MTUS1: variants seen among roughly 807,000 people sequenced by gnomAD.
The protein encoded by MTUS1 is microtubule-associated tumor suppressor 1.
MTUS1 carries 109 observed loss-of-function variants against 120.8 expected under a neutral mutation model. The observed-to-expected ratio is 0.90, with a 90% CI of 0.77 to 1.06. MTUS1 has a LOEUF of 1.06. MTUS1 is among the 50% of genes least tolerant of loss of function. MTUS1 has a pLI of 0.00. For missense variants in MTUS1, 2,210 were observed against 1,486.3 expected (o/e 1.49, Z -8.01); for synonymous variants, 737 against 550.5 (o/e 1.34, Z -4.74).
chr8:17,786,833 G>A (rs762316249), intron 1 of MTUS1, among the ~76,000 whole-genome samples: 8 of 152,114 alleles, frequency 5.3e-5, no homozygotes, highest in East Asian at 1.9e-4. Flanking sequence ...CAGGGGTAGC[G>A]CTTTATCACA....
At chr8:17,730,351 G>A (rs946601193) in intron 3 of MTUS1, among the ~76,000 whole-genome samples, 13 of 152,122 alleles carry the variant, frequency 8.5e-5, no homozygotes, top group African/African-American at 2.7e-4. Context: ...TGGGCATGGT[G>A]GCGGGCACCT....
At chr8:17,680,472 A>T (rs866742751) in intron 7 of MTUS1, among the ~76,000 whole-genome samples, 2,815 of 54,126 alleles carry the variant, frequency 0.052, 73 homozygotes, top group South Asian at 0.19. Flanking sequence ...CGCAAAAAAA[A>T]AAAAAAAAAA....
At chr8:17,731,805 A>G (rs1218455230) in intron 3 of MTUS1, among the ~76,000 whole-genome samples, 1 of 152,240 alleles carries the variant, frequency 6.6e-6, no homozygotes, top group African/African-American at 2.4e-5. Context: ...GATAACTTTT[A>G]TTATTATTCT....
At chr8:17,790,990 G>A (rs1020968470) in intron 1 of MTUS1, among the ~76,000 whole-genome samples, 6 of 152,096 alleles carry the variant, frequency 3.9e-5, no homozygotes, top group Non-Finnish European at 7.4e-5. Context: ...CGGTGGGGGC[G>A]GGGAGAAGTT....
intron 7 of MTUS1, 119 bp from the exon 8 acceptor site, chr8:17,675,371 T>G (rs74545121): frequency 0.026 from 19,734 of 745,104 alleles, 950 homozygotes; most frequent in South Asian, 0.14. Flanking sequence ...TATGAATCAT[T>G]TAGGCTAACA....
intron 1 of MTUS1, chr8:17,758,244 C>T (rs771000265): frequency 1.4e-4 from 21 of 152,148 alleles, no homozygotes; most frequent in Non-Finnish European, 3.1e-4. Flanking sequence ...AAAACTGAAA[C>T]GATCAGTTTT....
chr8:17,755,353 C>CAGTGGAT lies in MTUS1; in HGVS notation c.454_455insATCCACT (p.Cys152TyrfsTer4). On this transcript the variant is annotated frameshift_variant, in exon 2 of 15. Coordinates refer to ENST00000693296, the MANE Select transcript of MTUS1 (RefSeq NM_001363059.2). LOFTEE classifies it high-confidence loss of function. Reference sequence around the variant, plus strand: ...TGTTTGGTTTAGCTCCAAGGCATCACAGTAGCCTGCACAGTTCAAATTGTC... The same window carrying CAGTGGAT: ...TGTTTGGTTTAGCTCCAAGGCATCACAGTGGATAGTAGCCTGCACAGTTCAAATTGTC... The CAGTGGAT allele has an allele frequency of 6.2e-7, 1 of 1,614,190 alleles. No individual in the cohort carries two copies. Among genetic ancestry groups the CAGTGGAT allele is most frequent in the Non-Finnish European group, 8.5e-7 (1 of 1,180,014 alleles).
At chr8:17,700,139 C>T (rs371250) in intron 6 of MTUS1, among the ~76,000 whole-genome samples, 1 of 152,012 alleles carries the variant, frequency 6.6e-6, no homozygotes, top group South Asian at 2.1e-4. Context: ...GCCTAAAGTA[C>T]AACAGTTTGT....
At chr8:17,758,798 C>G (rs1010485009) in intron 1 of MTUS1, among the ~76,000 whole-genome samples, 1 of 152,192 alleles carries the variant, frequency 6.6e-6, no homozygotes, top group Admixed American at 6.5e-5. Flanking sequence ...ATTTTTATTA[C>G]TCAAGTTTCC....
At chr8:17,780,666 C>A (rs73569247) in intron 1 of MTUS1, among the ~76,000 whole-genome samples, 9,494 of 152,214 alleles carry the variant, frequency 0.062, 789 homozygotes, top group African/African-American at 0.18. Context: ...CAGGTCCAAG[C>A]CACCACTGTC....
At chr8:17,656,161 G>A in intron 8 of MTUS1, 96 bp from the exon 9 acceptor site, 4 of 1,063,892 alleles carry the variant, frequency 3.8e-6, no homozygotes, top group African/African-American at 1.6e-5. Context: ...GACACCTGAA[G>A]CATACACCCA....
chr8:17,797,020 G>A (rs910077096), intron 1 of MTUS1, among the ~76,000 whole-genome samples: 2 of 151,838 alleles, frequency 1.3e-5, no homozygotes, highest in African/African-American at 4.8e-5. Context: ...GCTGAGGCAG[G>A]AGAATCACTT....
At chr8:17,756,671 A>ACCCCCCC (rs1177055386) in intron 1 of MTUS1, among the ~76,000 whole-genome samples, 5,947 of 116,706 alleles carry the variant, frequency 0.051, 169 homozygotes, top group African/African-American at 0.076. Flanking sequence ...TCAAGCCCAA[A>ACCCCCCC]CCCCCACCCC....
intron 1 of MTUS1, among the ~76,000 whole-genome samples, chr8:17,775,866 C>T (rs577330089): frequency 6.6e-6 from 1 of 152,236 alleles, no homozygotes; most frequent in Non-Finnish European, 1.5e-5. Flanking sequence ...CAGCCCGATA[C>T]TGAGTCGCAT....
At chr8:17,660,080 A>G (rs1345945573) in intron 8 of MTUS1, among the ~76,000 whole-genome samples, 3 of 152,160 alleles carry the variant, frequency 2.0e-5, no homozygotes, top group African/African-American at 4.8e-5. Context: ...GCTCAATATT[A>G]TTCCATTGTT....
At chr8:17,691,899 A>G (rs1817015650) in intron 6 of MTUS1, 1 of 152,254 alleles carries the variant, frequency 6.6e-6, no homozygotes, top group Non-Finnish European at 1.5e-5. Flanking sequence ...AAAGTTGAAC[A>G]CATTCTTCCC....
chr8:17,652,101 G>A (rs1361662341), intron 12 of MTUS1, among the ~76,000 whole-genome samples: 1 of 152,178 alleles, frequency 6.6e-6, no homozygotes, highest in Non-Finnish European at 1.5e-5. Flanking sequence ...GAAAAGCTTT[G>A]CTTCTGCAGT....
intron 1 of MTUS1, among the ~76,000 whole-genome samples, chr8:17,796,240 G>A (rs1179723932): frequency 3.3e-5 from 5 of 152,374 alleles, no homozygotes; most frequent in South Asian, 4.1e-4. Context: ...GAGCCACCAC[G>A]CCCAGCCCCA....
chr8:17,677,142 A>G (rs1253413191), intron 7 of MTUS1, among the ~76,000 whole-genome samples: 5 of 152,232 alleles, frequency 3.3e-5, no homozygotes, highest in Non-Finnish European at 2.9e-5. Flanking sequence ...GTTTCTTAAA[A>G]TAATAAGTAA....
Sources: gnomAD v4.1 joint callset for allele counts (sites outside exome capture counted in the v4.1 genomes callset) on GRCh38, gnomAD v4.1.1 for gene constraint, MANE v1.5 for transcripts, NCBI Gene and HGNC (gene_info 2026-07-23, HGNC 2026-07-21) for gene names.